The following C5 variants were observed in gnomAD, a reference collection of about 807,000 sequenced individuals.
The protein encoded by C5 is C3 and PZP-like alpha-2-macroglobulin domain-containing protein 4.
In C5, 140 loss-of-function variants were observed where a neutral mutation model predicts 218.8. That is an observed-to-expected ratio of 0.64 (90% CI 0.56 to 0.74). The LOEUF (loss-of-function observed/expected upper bound fraction) is 0.74. C5 is among the 30% of genes least tolerant of loss of function. C5 has a pLI of 0.00. For synonymous variants in C5, 614 were observed against 682.3 expected, an observed-to-expected ratio of 0.90 and a Z score of 1.56; for missense variants, 1,700 against 1,969.6, an observed-to-expected ratio of 0.86 and a Z score of 2.59.
the C5 span, among the ~76,000 whole-genome samples, chr9:121,061,749 A>C: frequency 6.6e-6 from 1 of 152,242 alleles, no homozygotes; most frequent in African/African-American, 2.4e-5. Flanking sequence ...AATTGCCAAA[A>C]TTACACCATT....
At position 120,973,654 on chromosome 9, in the gene C5, A is replaced by G. The variant is rs2046930984; in HGVS notation, c.4017+1125T>C. ...TATATCCATATTCTTTTTTTTCAGT[A>G]TGGGCCACCAGTTTGCAATTTTTGC... On this transcript the variant is annotated intron_variant, in intron 30 of 40. Transcript: ENST00000223642. 2.0e-5 allele frequency among the ~76,000 whole-genome samples: 3 copies of G among 151,814 alleles called. No individual in the cohort carries two copies. In the South Asian group the frequency reaches 6.2e-4, roughly 31 times the overall value.
At chr9:121,056,046 C>A in the C5 span, among the ~76,000 whole-genome samples, 1 of 152,164 alleles carries the variant, frequency 6.6e-6, no homozygotes, top group Non-Finnish European at 1.5e-5. Context: ...CTTAGGGCAC[C>A]CCCAAGTGCT....
intron 27 of C5, among the ~76,000 whole-genome samples, chr9:120,981,370 C>T (rs572005176): frequency 6.6e-6 from 1 of 152,322 alleles, no homozygotes; most frequent in African/African-American, 2.4e-5. Flanking sequence ...ACTTTTCTCC[C>T]GTTTCCAAGC....
intron 37 of C5, among the ~76,000 whole-genome samples, 185 bp from the exon 38 acceptor site, chr9:120,960,522 C>T (rs984349043): frequency 1.3e-5 from 2 of 152,154 alleles, no homozygotes; most frequent in Non-Finnish European, 2.9e-5. Flanking sequence ...GAAAACAAAA[C>T]AAACAAAAAC....
At chr9:121,015,409 G>A in intron 15 of C5, 148 bp from the exon 16 acceptor site, 1 of 624,696 alleles carries the variant, frequency 1.6e-6, no homozygotes, top group Non-Finnish European at 2.8e-6. Context: ...TAGGAACTGT[G>A]CACCATACTT....
chr9:120,961,179 T>G (rs758960), intron 37 of C5, among the ~76,000 whole-genome samples: 148,648 of 152,230 alleles, frequency 0.98, 72,603 homozygotes, highest in East Asian at 1. Flanking sequence ...CTGAGCCTCT[T>G]GTCTTATATG....
the C5 span, among the ~76,000 whole-genome samples, chr9:121,071,212 G>A: frequency 6.6e-6 from 1 of 151,930 alleles, no homozygotes; most frequent in Non-Finnish European, 1.5e-5. Context: ...CACAGCTACT[G>A]GGGAGGCTAA....
intron 25 of C5, among the ~76,000 whole-genome samples, chr9:120,986,924 T>C (rs1277709882): frequency 6.6e-6 from 1 of 152,246 alleles, no homozygotes; most frequent in East Asian, 1.9e-4. Context: ...TCTTTTGAAG[T>C]GTGTCACCCA....
At chr9:121,025,232 A>G (rs763395305) in intron 9 of C5, among the ~76,000 whole-genome samples, 1 of 152,210 alleles carries the variant, frequency 6.6e-6, no homozygotes, top group Non-Finnish European at 1.5e-5. Context: ...TGGAGGTAAT[A>G]GGGACCCAAT....
At chr9:121,013,505 T>C (rs772411791) in intron 17 of C5, among the ~76,000 whole-genome samples, 3 of 152,142 alleles carry the variant, frequency 2.0e-5, no homozygotes, top group East Asian at 1.9e-4. Flanking sequence ...AATGTAGATA[T>C]AGACAGAATT....
chr9:121,036,405 T>G (rs930423265), intron 4 of C5, among the ~76,000 whole-genome samples: 1 of 152,178 alleles, frequency 6.6e-6, no homozygotes, highest in Non-Finnish European at 1.5e-5. Flanking sequence ...TTCTGCAGGT[T>G]ATGCCATGAT....
chr9:121,066,118 G>C, the C5 span, among the ~76,000 whole-genome samples: 1 of 151,808 alleles, frequency 6.6e-6, no homozygotes, highest in Non-Finnish European at 1.5e-5. Flanking sequence ...TTCAAGACCA[G>C]CCTGGCCAAT....
intron 17 of C5, among the ~76,000 whole-genome samples, chr9:121,009,812 T>C (rs866342818): frequency 6.6e-6 from 1 of 152,182 alleles, no homozygotes; most frequent in African/African-American, 2.4e-5. Context: ...CCCCTAGCAG[T>C]GACTGTGCAG....
chr9:121,057,277 G>A, the C5 span, among the ~76,000 whole-genome samples: 4 of 152,098 alleles, frequency 2.6e-5, no homozygotes, highest in African/African-American at 4.8e-5. Flanking sequence ...TAATCTAAAA[G>A]TATAAAACTC....
intron 26 of C5, among the ~76,000 whole-genome samples, chr9:120,982,277 T>C (rs1330672267): frequency 6.6e-6 from 1 of 152,242 alleles, no homozygotes; most frequent in Non-Finnish European, 1.5e-5. Flanking sequence ...CCCAAAGTGC[T>C]GCAATTACAG....
chr9:121,002,298 GTATATATA>G (rs1214836550), intron 20 of C5, among the ~76,000 whole-genome samples: 1 of 100,100 alleles, frequency 1.0e-5, no homozygotes. Context: ...ATGTATATAT[GTATATATA>G]TATGTGTGTG....
chr9:121,008,927 C>CACAAACAAACAAACAAACAA (rs60617637), intron 17 of C5, among the ~76,000 whole-genome samples: 7 of 150,314 alleles, frequency 4.7e-5, no homozygotes, highest in Non-Finnish European at 7.4e-5. Flanking sequence ...GAGACTCTGT[C>CACAAACAAACAAACAAACAA]ACAAACAAAC....
chr9:121,008,539 A>G (rs2131743233), intron 17 of C5, 41 bp from the exon 18 acceptor site: 1 of 1,403,914 alleles, frequency 7.1e-7, no homozygotes, highest in Non-Finnish European at 1.0e-6. Context: ...AAAACAATAT[A>G]AATTCTACTT....
At chr9:121,011,188 C>T (rs34459277) in intron 17 of C5, among the ~76,000 whole-genome samples, 1 of 152,078 alleles carries the variant, frequency 6.6e-6, no homozygotes, top group Non-Finnish European at 1.5e-5. Flanking sequence ...AGTAAGCAGA[C>T]AACCTACAGA....
Sources: gnomAD v4.1 joint callset for allele counts (sites outside exome capture counted in the v4.1 genomes callset) on GRCh38, gnomAD v4.1.1 for gene constraint, MANE v1.5 for transcripts, NCBI Gene and HGNC (gene_info 2026-07-23, HGNC 2026-07-21) for gene names.